The following NFASC variants were observed in gnomAD, a reference collection of about 807,000 sequenced individuals.
NFASC encodes the protein neurofascin.
A neutral mutation model predicts 147.5 loss-of-function variants in NFASC; 43 were observed. The ratio of observed to expected loss-of-function variants is 0.29; its 90% confidence interval spans 0.23 to 0.38. NFASC has a LOEUF of 0.38. NFASC is among the 10% of genes least tolerant of loss of function. NFASC has a pLI of 1.00. For synonymous variants in NFASC, 622 were observed against 665.5 expected (o/e 0.93, Z 1.01); for missense variants, 1,320 against 1,689.0 (o/e 0.78, Z 3.83).
chr1:204,993,761 C>G (rs748729872), intron 24 of NFASC: 1 of 517,590 alleles, frequency 1.9e-6, no homozygotes, highest in Non-Finnish European at 3.9e-6. Flanking sequence ...GACATCCTAG[C>G]CCAGTCATGT....
intron 1 of NFASC, among the ~76,000 whole-genome samples, chr1:204,906,589 C>T (rs2085937580): frequency 6.6e-6 from 1 of 152,096 alleles, no homozygotes. Context: ...TTTATTTACT[C>T]ATCTGTTGAC....
chr1:204,830,406 C>A (rs1189021276), intron 1 of NFASC, among the ~76,000 whole-genome samples: 1 of 152,154 alleles, frequency 6.6e-6, no homozygotes, highest in Non-Finnish European at 1.5e-5. Context: ...AGAGATCTAT[C>A]CTCCTTCTGG....
rs1476604272 is a variant in NFASC, at chr1:204,954,785, C to T, written c.413-44C>T. On this transcript the variant is annotated intron_variant, in intron 6 of 29. Transcript: ENST00000339876. The surrounding 1 kb of genome is among the most constrained non-coding windows in gnomAD (Gnocchi z 5.7). ...CTGACCCTGCTCCTTGCCCCGGGCC[C>T]AGCCATCACCCTCACTTTATCCTCT... is the stretch of plus-strand genomic sequence containing the variant. 3.7e-6 allele frequency: 6 copies of T among 1,607,560 alleles called. No individual in the cohort carries two copies. Among genetic ancestry groups the T allele is most frequent in the South Asian group, 3.3e-5 (3 of 90,720 alleles).
At chr1:204,925,326 G>A (rs551863737) in intron 2 of NFASC, among the ~76,000 whole-genome samples, 3 of 152,276 alleles carry the variant, frequency 2.0e-5, no homozygotes, top group South Asian at 4.1e-4. Context: ...AGAATAAACC[G>A]CGGAAGACCA....
chr1:205,001,037 CTGTG>C, intron 25 of NFASC, 129 bp from the exon 26 acceptor site: 1 of 680,764 alleles, frequency 1.5e-6, no homozygotes, highest in Non-Finnish European at 2.7e-6. Context: ...TCCTAGATGA[CTGTG>C]TGTACATGTG....
chr1:204,968,924 C>G lies in NFASC; in HGVS notation c.945C>G (p.Phe315Leu). ...NVSEEDSGEYFCLASNKMGSI... is the reference protein window; with the variant it reads ...NVSEEDSGEYLCLASNKMGSI... Reference sequence around the variant, plus strand: ...CTGAGGAAGACTCCGGGGAGTATTTCTGCCTGGCCTCCAACAAGATGGGCA... The same window carrying G: ...CTGAGGAAGACTCCGGGGAGTATTTGTGCCTGGCCTCCAACAAGATGGGCA... The change falls in exon 10 of 30, where the codon TTC becomes TTG. Residue 315 changes from phenylalanine to leucine, a missense_variant. Physicochemically the swap from Phe to Leu is conservative, Grantham distance 22. Coordinates refer to ENST00000339876, the MANE Select transcript of NFASC (RefSeq NM_001005388.3). This position sits in a 1 kb window ranked among gnomAD's most constrained non-coding sequence, Gnocchi z 5.4. 6.2e-7 allele frequency: 1 copy of G among 1,614,068 alleles called. No homozygotes were observed. Among genetic ancestry groups the G allele is most frequent in the Non-Finnish European group, 8.5e-7 (1 of 1,180,012 alleles).
Position 204,975,601 on chromosome 1 carries a change from C to T in NFASC, c.1706+183C>T, listed in dbSNP as rs1429551179. Among the ~76,000 whole-genome samples, 1 of 152,072 alleles carries T rather than the reference C, an allele frequency of 6.6e-6. No individual in the cohort carries two copies. The highest frequency in any genetic ancestry group is 2.4e-5 in the African/African-American group (1 of 41,414). On this transcript the variant is annotated intron_variant, in intron 15 of 29. Transcript: ENST00000339876. This position sits in a 1 kb window ranked among gnomAD's most constrained non-coding sequence, Gnocchi z 4.0. ...CCTGCTTCAGGGGAGACCCCCCCAC[C>T]GACCCTGTACAACCTCCCTCTCTCC...
intron 1 of NFASC, among the ~76,000 whole-genome samples, chr1:204,881,658 C>T (rs768015286): frequency 4.6e-5 from 7 of 152,132 alleles, no homozygotes; most frequent in Non-Finnish European, 7.4e-5. Flanking sequence ...CTGAAGAACA[C>T]GGGATAGTAG....
At chr1:204,978,860 C>T in intron 17 of NFASC, 108 bp from the exon 18 acceptor site, 1 of 814,566 alleles carries the variant, frequency 1.2e-6, no homozygotes, top group Non-Finnish European at 1.9e-6. Context: ...GGGGTTGGAT[C>T]CAGCTGGTAG....
intron 1 of NFASC, among the ~76,000 whole-genome samples, chr1:204,861,078 CTTTTTTTTTTTTTTT>C (rs1162020795): frequency 1.2e-4 from 8 of 68,948 alleles, no homozygotes; most frequent in South Asian, 4.3e-4. Context: ...ACTTGCTTTC[CTTTTTTTTTTTTTTT>C]TTTTTTTTTT....
At chr1:204,998,646 A>G (rs1440067595) in intron 25 of NFASC, 1 of 152,232 alleles carries the variant, frequency 6.6e-6, no homozygotes, top group Admixed American at 6.5e-5. Context: ...TTGGCTGAGG[A>G]GGAACCTGCT....
Position 205,001,255 on chromosome 1 carries a change from C to T in NFASC, c.3105C>T (p.Pro1035=), listed in dbSNP as rs770283846. 30 of 1,611,856 alleles carry T rather than the reference C, an allele frequency of 1.9e-5. No homozygotes were observed. Among genetic ancestry groups the T allele is most frequent in the African/African-American group, 6.7e-5 (5 of 74,834 alleles). ...ANITWKHNFG[P]GTDFVVEYID... is the part of the protein sequence containing the mutation. ...TCACCTGGAAGCACAATTTCGGGCC[C>T]GGAACTGACTTTGTGGTTGAGTACA... Residue 1035 remains proline, a synonymous_variant, in exon 26 of 30, where the codon CCC becomes CCT. Transcript: ENST00000339876.
At chr1:204,870,409 A>G (rs1412249787) in intron 1 of NFASC, among the ~76,000 whole-genome samples, 1 of 152,140 alleles carries the variant, frequency 6.6e-6, no homozygotes, top group Non-Finnish European at 1.5e-5. Flanking sequence ...TAAAGGTTAC[A>G]TGACCAGCTG....
At chr1:204,876,206 T>C (rs1490952920) in intron 1 of NFASC, among the ~76,000 whole-genome samples, 2 of 152,308 alleles carry the variant, frequency 1.3e-5, no homozygotes, top group Middle Eastern at 3.4e-3. Context: ...AGATGCGTTT[T>C]GACAAATGTA....
intron 16 of NFASC, 66 bp downstream of exon 16, chr1:204,976,861 T>C: frequency 6.3e-7 from 1 of 1,578,610 alleles, no homozygotes; most frequent in Non-Finnish European, 8.6e-7. Context: ...AGAGAAGCAG[T>C]GGCCCGGGGC....
Position 204,853,382 on chromosome 1 carries a change from T to C in NFASC, c.-200+24600T>C, listed in dbSNP as rs372384885. On this transcript the variant is annotated intron_variant, in intron 1 of 29. Transcript: ENST00000339876. The stretch of plus-strand genomic sequence containing the variant: ...TGTTAATCCTCTTCAACTTTAGTTA[T>C]TTCCTCTGTGTGTATGTGTGTCCCC... Among the ~76,000 whole-genome samples, 13 of 152,320 alleles carry C rather than the reference T, an allele frequency of 8.5e-5. No individual in the cohort carries two copies. In the East Asian group the frequency reaches 1.9e-3, roughly 23 times the overall value.
At chr1:204,912,616 T>C (rs1352554335) in intron 1 of NFASC, among the ~76,000 whole-genome samples, 1 of 152,114 alleles carries the variant, frequency 6.6e-6, no homozygotes, top group Non-Finnish European at 1.5e-5. Flanking sequence ...GGCAGGAGGA[T>C]TTTTTGAGCC....
chr1:204,926,969 G>A (rs965002646), intron 2 of NFASC, among the ~76,000 whole-genome samples: 1 of 152,048 alleles, frequency 6.6e-6, no homozygotes, highest in Non-Finnish European at 1.5e-5. Context: ...CAGCTACTCG[G>A]GAGACTGAGG....
chr1:205,007,903 G>C (rs982506287), intron 27 of NFASC, among the ~76,000 whole-genome samples: 1 of 152,170 alleles, frequency 6.6e-6, no homozygotes, highest in Non-Finnish European at 1.5e-5. Context: ...TCAGTCCTAC[G>C]TGGGGGGTTG....
Sources: allele counts gnomAD v4.1 joint callset (sites outside exome capture counted in the v4.1 genomes callset), GRCh38; gene constraint gnomAD v4.1.1; non-coding constraint Gnocchi (gnomAD v3.1); transcripts MANE v1.5; gene names NCBI Gene and HGNC (gene_info 2026-07-23, HGNC 2026-07-21).